Variants in ANKH observed in about 807,000 individuals in gnomAD.
The protein encoded by ANKH is mineralization regulator ANKH.
Under a neutral mutation model 49.0 loss-of-function variants are expected in ANKH, and 15 were observed. That is an observed-to-expected ratio of 0.31 (90% CI 0.20 to 0.47). ANKH has a LOEUF of 0.47. Ranked by LOEUF, ANKH falls within the 20% of genes least tolerant of loss-of-function variation. The pLI is 1.00. For missense variants in ANKH, 429 were observed against 652.0 expected (o/e 0.66, Z 3.72); for synonymous variants, 273 against 260.0 (o/e 1.05, Z -0.48).
At chr5:14,729,241 C>T (rs1580011141) in intron 8 of ANKH, among the ~76,000 whole-genome samples, 1 of 151,780 alleles carries the variant, frequency 6.6e-6, no homozygotes. Flanking sequence ...TTAGTAGAGA[C>T]GGGGTTTCTC....
At chr5:14,809,335 T>TAAAAAAAAAA (rs36119317) in intron 1 of ANKH, among the ~76,000 whole-genome samples, 499 of 79,840 alleles carry the variant, frequency 6.3e-3, no homozygotes, top group Non-Finnish European at 8.0e-3. Context: ...TAGAGTATAA[T>TAAAAAAAAAA]AAAAAAAAAA....
intron 6 of ANKH, among the ~76,000 whole-genome samples, chr5:14,748,742 G>A (rs1738619276): frequency 1.3e-5 from 2 of 152,228 alleles, no homozygotes; most frequent in African/African-American, 2.4e-5. Context: ...TGCAGCCACT[G>A]GGTGTGTCCC....
intron 1 of ANKH, among the ~76,000 whole-genome samples, chr5:14,826,176 T>C (rs952936582): frequency 6.6e-6 from 1 of 152,208 alleles, no homozygotes; most frequent in Non-Finnish European, 1.5e-5. Flanking sequence ...TACACATTGA[T>C]GTGTGTTTTT....
chr5:14,769,232 A>C, intron 1 of ANKH, 41 bp from the exon 2 acceptor site: 103 of 1,510,360 alleles, frequency 6.8e-5, no homozygotes, highest in Non-Finnish European at 8.7e-5. Context: ...TAGAAATGTC[A>C]TCTCTTCTCT....
chr5:14,798,244 C>T (rs555293079), intron 1 of ANKH: 17 of 1,605,168 alleles, frequency 1.1e-5, no homozygotes, highest in African/African-American at 2.7e-5. Context: ...GGTCTGGTTA[C>T]ATCTGGAAGC....
At chr5:14,811,190 C>T (rs543153684) in intron 1 of ANKH, among the ~76,000 whole-genome samples, 6 of 152,298 alleles carry the variant, frequency 3.9e-5, no homozygotes, top group East Asian at 1.9e-4. Flanking sequence ...TCAAGAGTCT[C>T]GGCTCTGCCA....
At position 14,778,778 on chromosome 5, in the gene ANKH, A is replaced by T. The variant is rs997243141; in HGVS notation, c.97-9587T>A. On this transcript the variant is annotated intron_variant, in intron 1 of 11. Coordinates refer to ENST00000284268, the MANE Select transcript of ANKH (RefSeq NM_054027.6). The stretch of plus-strand genomic sequence containing the variant: ...ACTGCCTGCAAATCTCTAGCCTTGG[A>T]TTCACCTGACTGACCTATTCCACCC... Among the ~76,000 whole-genome samples, 92 of 152,222 alleles carry T rather than the reference A, an allele frequency of 6.0e-4. 1 individual carries two copies. Among genetic ancestry groups the T allele is most frequent in the Middle Eastern group, 3.4e-3 (1 of 294 alleles).
intron 1 of ANKH, among the ~76,000 whole-genome samples, chr5:14,833,852 C>T (rs1414834381): frequency 6.6e-6 from 1 of 152,136 alleles, no homozygotes; most frequent in Non-Finnish European, 1.5e-5. Context: ...CTGTTGGGGC[C>T]CTGCAGTCCT....
At chr5:14,859,988 A>G in intron 1 of ANKH, among the ~76,000 whole-genome samples, 1 of 152,236 alleles carries the variant, frequency 6.6e-6, no homozygotes. Context: ...TGGTTTGTCT[A>G]GGAGAGGCTG....
chr5:14,780,475 G>A (rs139682661), intron 1 of ANKH, among the ~76,000 whole-genome samples: 13,177 of 152,132 alleles, frequency 0.087, 715 homozygotes, highest in Admixed American at 0.11. Flanking sequence ...CCCAGGAGGC[G>A]GAGGTTGCAG....
chr5:14,758,627 A>C, intron 2 of ANKH, 29 bp from the exon 3 acceptor site: 1 of 1,390,124 alleles, frequency 7.2e-7, no homozygotes, highest in South Asian at 1.2e-5. Context: ...CATATGTGGA[A>C]ATATTTAGAA....
intron 1 of ANKH, among the ~76,000 whole-genome samples, chr5:14,783,333 A>ACACAC (rs1739870704): frequency 7.5e-6 from 1 of 132,846 alleles, no homozygotes; most frequent in Non-Finnish European, 1.7e-5. Flanking sequence ...CACACACACC[A>ACACAC]CACATGGAGA....
In ANKH at chr5:14,768,967, G is replaced by A. The variant is rs773187771; in HGVS notation, c.313+8C>T. On this transcript the variant is annotated splice_region_variant and intron_variant, in intron 2 of 11. Transcript: ENST00000284268. ...GCTAGATTCGTCAGTGGCGGTCGGC[G>A]GCCTCACCTATCAGTGTGTGAAAGA... is the stretch of plus-strand genomic sequence containing the variant. 7.4e-6 allele frequency: 12 copies of A among 1,613,830 alleles called. No homozygotes were observed. The South Asian group carries it at 1.1e-4, about 15-fold the overall frequency.
At chr5:14,800,609 C>T (rs1375923257) in intron 1 of ANKH, among the ~76,000 whole-genome samples, 3 of 152,050 alleles carry the variant, frequency 2.0e-5, no homozygotes, top group Non-Finnish European at 2.9e-5. Flanking sequence ...CTCAGATGAT[C>T]GTTAGCATTT....
At chr5:14,776,604 T>C (rs1030264692) in intron 1 of ANKH, among the ~76,000 whole-genome samples, 14 of 152,192 alleles carry the variant, frequency 9.2e-5, no homozygotes, top group Admixed American at 7.2e-4. Flanking sequence ...CTTCAGGTAA[T>C]GTCAGTCCCA....
chr5:14,815,879 A>C (rs1205448550), intron 1 of ANKH, among the ~76,000 whole-genome samples: 4 of 152,326 alleles, frequency 2.6e-5, no homozygotes, highest in African/African-American at 9.6e-5. Context: ...CTTGAGGCAC[A>C]GATCGAGGGC....
intron 9 of ANKH, among the ~76,000 whole-genome samples, chr5:14,714,978 C>T (rs546139630): frequency 6.6e-6 from 1 of 152,366 alleles, no homozygotes; most frequent in Admixed American, 6.5e-5. Flanking sequence ...TTGGTTCGCC[C>T]TGTGTCTACC....
intron 1 of ANKH, among the ~76,000 whole-genome samples, chr5:14,781,633 ATTC>A (rs1162540715): frequency 6.6e-6 from 1 of 152,172 alleles, no homozygotes; most frequent in Non-Finnish European, 1.5e-5. Context: ...CCCTCTTTGA[ATTC>A]TCCTGATCTC....
intron 1 of ANKH, among the ~76,000 whole-genome samples, chr5:14,839,228 T>C (rs1006558339): frequency 6.6e-6 from 1 of 152,242 alleles, no homozygotes; most frequent in African/African-American, 2.4e-5. Context: ...ATCCTTGGAT[T>C]TAAACCTAAG....
Sources: gnomAD v4.1 joint callset for allele counts (sites outside exome capture counted in the v4.1 genomes callset) on GRCh38, gnomAD v4.1.1 for gene constraint, MANE v1.5 for transcripts, NCBI Gene and HGNC (gene_info 2026-07-23, HGNC 2026-07-21) for gene names.